The following DMC1 variants were observed in gnomAD, a reference collection of about 807,000 sequenced individuals.
The protein encoded by DMC1 is DNA meiotic recombinase 1, also known as meiotic recombination protein DMC1 homolog.
In DMC1, 27 loss-of-function variants were observed where a neutral mutation model predicts 50.1. That is an observed-to-expected ratio of 0.54 (90% CI 0.40 to 0.74). The LOEUF (loss-of-function observed/expected upper bound fraction) is 0.74, where lower values mean the gene tolerates loss of function less well. Among genes scored for constraint, DMC1 ranks in the 30% least tolerant of loss-of-function variants. DMC1 has a pLI of 0.00. For synonymous variants in DMC1, 148 were observed against 136.1 expected, an observed-to-expected ratio of 1.09 and a Z score of -0.61; for missense variants, 295 against 420.2, an observed-to-expected ratio of 0.70 and a Z score of 2.60.
rs111317680 is a variant in DMC1, at chr22:38,521,538, TACACACACACACACAC to T, written c.953+54_953+69del. 2,655 of 643,044 alleles carry T rather than the reference TACACACACACACACAC, an allele frequency of 4.1e-3. 22 individuals carry two copies. The highest frequency in any genetic ancestry group is 0.035 in the African/African-American group (1,573 of 44,904). The allele number at this position is 643,044 out of a possible 1,614,324, so 39.8% of individuals were successfully genotyped here. A position where few individuals can be genotyped will look rare whatever the true frequency, so the allele number is the denominator to read the frequency against. ...GGGCAACATGGCAAAACCCCGTCTC[TACACACACACACACAC>T]ACACACACACACACACACACACACA... is the stretch of plus-strand genomic sequence containing the variant. On this transcript the variant is annotated intron_variant, in intron 13 of 13. Transcript: ENST00000216024.
Position 38,538,422 on chromosome 22 carries a change from A to G in DMC1, c.661-13T>C. On this transcript the variant is annotated splice_polypyrimidine_tract_variant and intron_variant, in intron 10 of 13. Transcript: ENST00000216024. ...TTGAATCGATAATCTACACAGGATT[A>G]ATGTAAAAATAAACATGCATTTGGA... is the stretch of plus-strand genomic sequence containing the variant. 6.2e-7 allele frequency: 1 copy of G among 1,612,818 alleles called. No homozygotes were observed. Among genetic ancestry groups the G allele is most frequent in the Non-Finnish European group, 8.5e-7 (1 of 1,178,748 alleles).
At chr22:38,556,994 C>T (rs1408695314) in intron 5 of DMC1, among the ~76,000 whole-genome samples, 1 of 152,166 alleles carries the variant, frequency 6.6e-6, no homozygotes, top group Non-Finnish European at 1.5e-5. Flanking sequence ...AGGGAATACA[C>T]TTGGAAATCT....
chr22:38,511,611 G>A, the DMC1 span, among the ~76,000 whole-genome samples: 1 of 151,950 alleles, frequency 6.6e-6, no homozygotes, highest in Non-Finnish European at 1.5e-5. Flanking sequence ...AAAATTGAGC[G>A]AGAGAGAGAA....
At chr22:38,567,682 T>G in intron 2 of DMC1, 55 bp from the exon 3 acceptor site, 1 of 1,332,102 alleles carries the variant, frequency 7.5e-7, no homozygotes, top group Non-Finnish European at 1.1e-6. Context: ...TCCAGCTATT[T>G]CACATCTTTT....
Position 38,519,879 on chromosome 22 carries a change from T to C in DMC1, c.*141A>G. On this transcript the variant is annotated 3_prime_UTR_variant, in exon 14 of 14. Transcript: ENST00000216024. ...AAATCAGGGACTTTTAAGATAAATA[T>C]AAGATTTAAATCTCTTTGCTGACTT... 2 of 669,750 alleles carry C rather than the reference T, an allele frequency of 3.0e-6. No individual in the cohort carries two copies. Among genetic ancestry groups the C allele is most frequent in the Non-Finnish European group, 5.4e-6 (2 of 369,524 alleles). The allele number at this position is 669,750 out of a possible 1,614,324, so 41.5% of individuals were successfully genotyped here.
chr22:38,536,087 G>A (rs1281658639), intron 12 of DMC1, among the ~76,000 whole-genome samples: 1 of 151,562 alleles, frequency 6.6e-6, no homozygotes, highest in African/African-American at 2.4e-5. Flanking sequence ...CAGGCGTGGC[G>A]ATGTGTGCCT....
In DMC1 at chr22:38,529,616, A is replaced by G. The variant is rs567797770; in HGVS notation, c.837-7892T>C. Among the ~76,000 whole-genome samples, 138 of 152,284 alleles carry G rather than the reference A, an allele frequency of 9.1e-4. 2 individuals carry two copies. The South Asian group carries it at 0.015, about 17-fold the overall frequency. ...AATTAGGATGCTGGGGTCATGAAAC[A>G]TATATAGAGTTATGGTATAGGATGG... is the stretch of plus-strand genomic sequence containing the variant. On this transcript the variant is annotated intron_variant, in intron 12 of 13. Coordinates refer to ENST00000216024, the MANE Select transcript of DMC1 (RefSeq NM_007068.4).
intron 8 of DMC1, among the ~76,000 whole-genome samples, chr22:38,548,241 A>G (rs1165351189): frequency 6.6e-6 from 1 of 152,116 alleles, no homozygotes; most frequent in Non-Finnish European, 1.5e-5. Context: ...AATATTTCCC[A>G]GTGCCATCTG....
chr22:38,540,897 T>G (rs2090273852), intron 8 of DMC1, among the ~76,000 whole-genome samples: 1 of 152,200 alleles, frequency 6.6e-6, no homozygotes, highest in Non-Finnish European at 1.5e-5. Flanking sequence ...GTTTCAGCAC[T>G]GACTGAGTGG....
At chr22:38,558,686 G>A (rs537881298) in intron 5 of DMC1, among the ~76,000 whole-genome samples, 1 of 152,064 alleles carries the variant, frequency 6.6e-6, no homozygotes, top group African/African-American at 2.4e-5. Context: ...CTGCACTCCA[G>A]CCTGGGCGAC....
In DMC1 at chr22:38,521,546, C is replaced by CAG. The variant is rs1178041040; in HGVS notation, c.953+61_953+62insCT. On this transcript the variant is annotated intron_variant, in intron 13 of 13. Coordinates refer to ENST00000216024, the MANE Select transcript of DMC1 (RefSeq NM_007068.4). ...TGGCAAAACCCCGTCTCTACACACA[C>CAG]ACACACACACACACACACACACACA... is the stretch of plus-strand genomic sequence containing the variant. 1.8e-5 allele frequency: 10 copies of CAG among 568,228 alleles called. No homozygotes were observed. In the African/African-American group the frequency reaches 2.5e-4, roughly 14 times the overall value. The allele number at this position is 568,228 out of a possible 1,614,324, so 35.2% of individuals were successfully genotyped here.
At chr22:38,537,569 A>C (rs1379244937) in intron 12 of DMC1, 23 bp downstream of exon 12, 21 of 1,607,222 alleles carry the variant, frequency 1.3e-5, no homozygotes, top group Non-Finnish European at 1.8e-5. Context: ...CTGTGAAATA[A>C]AAAGTAGAAT....
At chr22:38,525,056 C>T (rs1421190209) in intron 12 of DMC1, among the ~76,000 whole-genome samples, 2 of 152,010 alleles carry the variant, frequency 1.3e-5, no homozygotes, top group Non-Finnish European at 2.9e-5. Flanking sequence ...AGCCAGACTA[C>T]GTCTCAAAAT....
chr22:38,520,126 C>T, intron 13 of DMC1, 37 bp from the exon 14 acceptor site: 4 of 1,529,996 alleles, frequency 2.6e-6, no homozygotes, highest in Non-Finnish European at 3.6e-6. Context: ...TTATAAAAAG[C>T]TCTATTTCTA....
chr22:38,562,184 G>A (rs2090534394), intron 5 of DMC1, 103 bp downstream of exon 5: 1 of 768,706 alleles, frequency 1.3e-6, no homozygotes, highest in Non-Finnish European at 2.2e-6. Context: ...TTCAAATGAA[G>A]AAGCTACTTC....
intron 4 of DMC1, among the ~76,000 whole-genome samples, chr22:38,563,561 TAAG>T (rs1156706890): frequency 6.6e-6 from 1 of 152,070 alleles, no homozygotes; most frequent in Non-Finnish European, 1.5e-5. Context: ...TCTCTATCTC[TAAG>T]AATAAACAAC....
At chr22:38,562,111 C>T (rs1304373980) in intron 5 of DMC1, among the ~76,000 whole-genome samples, 176 bp downstream of exon 5, 1 of 151,954 alleles carries the variant, frequency 6.6e-6, no homozygotes, top group African/African-American at 2.4e-5. Context: ...TAATCTTGCT[C>T]CTCCAAGCAG....
At chr22:38,547,110 C>T (rs1363406658) in intron 8 of DMC1, among the ~76,000 whole-genome samples, 1 of 152,082 alleles carries the variant, frequency 6.6e-6, no homozygotes, top group East Asian at 1.9e-4. Context: ...CTATGTTGCC[C>T]AGGCTAATCA....
At chr22:38,512,995 A>G in the DMC1 span, among the ~76,000 whole-genome samples, 1 of 152,022 alleles carries the variant, frequency 6.6e-6, no homozygotes. Flanking sequence ...GAGACAGGAG[A>G]ATCGCTTGAA....
Sources: gnomAD v4.1 joint callset for allele counts (sites outside exome capture counted in the v4.1 genomes callset) on GRCh38, gnomAD v4.1.1 for gene constraint, MANE v1.5 for transcripts, NCBI Gene and HGNC (gene_info 2026-07-23, HGNC 2026-07-21) for gene names.